The following PTGER3 variants were observed in gnomAD, a reference collection of about 807,000 sequenced individuals.
PTGER3 encodes prostaglandin E2 receptor EP3 subtype.
In PTGER3, 22 loss-of-function variants were observed where a neutral mutation model predicts 34.7. The observed-to-expected ratio is 0.63, with a 90% CI of 0.45 to 0.91. The LOEUF (loss-of-function observed/expected upper bound fraction) is 0.91, where lower values mean the gene tolerates loss of function less well. Ranked by LOEUF, PTGER3 falls within the 40% of genes least tolerant of loss-of-function variation. PTGER3 has a pLI of 0.00. For synonymous variants in PTGER3, 241 were observed against 230.1 expected (o/e 1.05, Z -0.43); for missense variants, 468 against 519.4 (o/e 0.90, Z 0.96).
intron 4 of PTGER3, among the ~76,000 whole-genome samples, chr1:70,926,048 C>T (rs1488920388): frequency 1.3e-5 from 2 of 152,040 alleles, no homozygotes; most frequent in South Asian, 2.1e-4. Flanking sequence ...AAATAAAATG[C>T]TCATATTTCT....
intron 4 of PTGER3, among the ~76,000 whole-genome samples, chr1:70,936,631 C>A (rs553998447): frequency 1.3e-5 from 2 of 152,212 alleles, no homozygotes; most frequent in East Asian, 3.9e-4. Flanking sequence ...TTCAATTGGA[C>A]AGCAACATAA....
rs7547433 is a variant in PTGER3 at position 71,016,053 on chromosome 1, C to T, written c.898-3569G>A. 2.0e-3 allele frequency among the ~76,000 whole-genome samples: 301 copies of T among 152,288 alleles called. 3 individuals are homozygous for T. In the Middle Eastern group the frequency reaches 0.044, roughly 22 times the overall value. ...GCTCAAATGATCCTCCTGCCTCAGC[C>T]TCCCGAGATGCTGGGATTACAGGTA... On this transcript the variant is annotated intron_variant, in intron 1 of 3. Coordinates refer to ENST00000306666, the MANE Select transcript of PTGER3 (RefSeq NM_198719.2).
At chr1:70,878,955 G>A (rs1646329295) in intron 4 of PTGER3, among the ~76,000 whole-genome samples, 1 of 152,134 alleles carries the variant, frequency 6.6e-6, no homozygotes, top group Non-Finnish European at 1.5e-5. Context: ...CTGTTTTGGG[G>A]TATAGTGTTC....
exon 4 of PTGER3, chr1:70,953,010 C>T: frequency 1.2e-6 from 2 of 1,611,922 alleles, no homozygotes; most frequent in Non-Finnish European, 1.7e-6. Context: ...TACTTGCCCA[C>T]AATGTGCAGT....
intron 2 of PTGER3, among the ~76,000 whole-genome samples, chr1:70,984,959 T>C (rs1201721401): frequency 6.6e-6 from 1 of 152,170 alleles, no homozygotes; most frequent in Non-Finnish European, 1.5e-5. Context: ...GATAATATTG[T>C]CTTCCATCCC....
intron 2 of PTGER3, among the ~76,000 whole-genome samples, chr1:70,986,803 C>A (rs1232120560): frequency 6.6e-6 from 1 of 152,146 alleles, no homozygotes; most frequent in Non-Finnish European, 1.5e-5. Flanking sequence ...CCATGAAAGA[C>A]AACATTTGCC....
At chr1:70,931,822 A>G (rs991217700) in intron 4 of PTGER3, among the ~76,000 whole-genome samples, 56 of 152,290 alleles carry the variant, frequency 3.7e-4, no homozygotes, top group African/African-American at 1.3e-3. Flanking sequence ...ACAAAGACCT[A>G]TGACATGCCC....
intron 4 of PTGER3, among the ~76,000 whole-genome samples, chr1:70,923,104 G>A (rs1647706978): frequency 6.6e-6 from 1 of 151,990 alleles, no homozygotes; most frequent in African/African-American, 2.4e-5. Flanking sequence ...GAATATATTT[G>A]TCTATTGGGT....
chr1:70,917,403 T>TTG (rs59163586), intron 4 of PTGER3, among the ~76,000 whole-genome samples: 6,470 of 136,316 alleles, frequency 0.047, 201 homozygotes, highest in Non-Finnish European at 0.059. Context: ...GTATTTTATT[T>TTG]TGTGTGTGTG....
intron 2 of PTGER3, chr1:71,009,016 A>C (rs1353980057): frequency 2.0e-6 from 2 of 984,008 alleles, no homozygotes; most frequent in Admixed American, 6.2e-5. Flanking sequence ...TCTTTTTCTG[A>C]GTTGATCTCA....
intron 2 of PTGER3, among the ~76,000 whole-genome samples, chr1:70,980,632 A>C (rs1654163007): frequency 6.6e-6 from 1 of 151,690 alleles, no homozygotes; most frequent in Non-Finnish European, 1.5e-5. Flanking sequence ...CAAGACCCTG[A>C]CTCTTAAATT....
Position 70,880,365 on chromosome 1 carries a change from G to A in PTGER3, c.*24-27506C>T, listed in dbSNP as rs141410208. ...AGTTTGGCTGGATATGAAATTCTTG[G>A]TTGGAATTTCTTTTTTCTTTTTTTT... is the stretch of plus-strand genomic sequence containing the variant. On this transcript the variant is annotated intron_variant, in intron 4 of 4. Coordinates refer to the PTGER3 transcript ENST00000370931. Among the ~76,000 whole-genome samples the A allele has an allele frequency of 1.1e-3, 163 of 151,594 alleles. 1 individual carries two copies. The highest frequency in any genetic ancestry group is 3.5e-3 in the African/African-American group (143 of 41,354).
intron 4 of PTGER3, among the ~76,000 whole-genome samples, chr1:70,927,449 A>T (rs1648216030): frequency 6.6e-6 from 1 of 152,172 alleles, no homozygotes; most frequent in African/African-American, 2.4e-5. Context: ...AGAAGACAGT[A>T]AAAAAGAAAG....
At chr1:70,982,981 CA>C (rs2100735086) in intron 2 of PTGER3, among the ~76,000 whole-genome samples, 1 of 152,014 alleles carries the variant, frequency 6.6e-6, no homozygotes, top group South Asian at 2.1e-4. Flanking sequence ...AGGTAAATCA[CA>C]AATTTCTAAA....
chr1:70,917,249 A>T (rs1307958579), intron 4 of PTGER3, among the ~76,000 whole-genome samples: 2 of 150,366 alleles, frequency 1.3e-5, no homozygotes, highest in African/African-American at 4.9e-5. Flanking sequence ...CTGCTTTCAG[A>T]GTCAGCTTTT....
intron 4 of PTGER3, among the ~76,000 whole-genome samples, chr1:70,877,371 T>C (rs182198397): frequency 6.6e-6 from 1 of 152,288 alleles, no homozygotes; most frequent in Admixed American, 6.5e-5. Context: ...TATGGGTTTT[T>C]TCAGGTATAG....
intron 4 of PTGER3, among the ~76,000 whole-genome samples, chr1:70,930,202 C>T (rs897369881): frequency 3.9e-5 from 6 of 152,168 alleles, no homozygotes; most frequent in African/African-American, 1.4e-4. Flanking sequence ...GGACTGGGAA[C>T]AAGAGGTGAC....
chr1:70,940,430 C>T (rs548357832), intron 4 of PTGER3, among the ~76,000 whole-genome samples: 3 of 152,208 alleles, frequency 2.0e-5, no homozygotes, highest in African/African-American at 2.4e-5. Context: ...TTCATAAATG[C>T]CCCACTCTAC....
At chr1:71,028,928 C>G (rs2100938377) in intron 1 of PTGER3, among the ~76,000 whole-genome samples, 1 of 152,256 alleles carries the variant, frequency 6.6e-6, no homozygotes, top group African/African-American at 2.4e-5. Flanking sequence ...TCATTAGATT[C>G]AAGTTGGATT....
Sources: allele counts gnomAD v4.1 joint callset (sites outside exome capture counted in the v4.1 genomes callset), GRCh38; gene constraint gnomAD v4.1.1; transcripts MANE v1.5; gene names NCBI Gene and HGNC (gene_info 2026-07-23, HGNC 2026-07-21).